RAB5IF: variants seen among roughly 807,000 people sequenced by gnomAD.
RAB5IF encodes the protein RAB5 interacting factor.
In RAB5IF, 15 loss-of-function variants were observed where a neutral mutation model predicts 20.3. That is an observed-to-expected ratio of 0.74 (90% CI 0.50 to 1.14). RAB5IF has a LOEUF of 1.14. RAB5IF is among the 50% of genes most tolerant of loss of function. The pLI is 0.00. For synonymous variants in RAB5IF, 67 were observed against 63.7 expected, an observed-to-expected ratio of 1.05 and a Z score of -0.25; for missense variants, 148 against 159.5, an observed-to-expected ratio of 0.93 and a Z score of 0.39.
At position 36,612,331 on chromosome 20, in the gene RAB5IF, G is replaced by A. The variant is rs1250846226; in HGVS notation, c.*280G>A. ...TAACAGCTATTATTTGCCAAGTGGA[G>A]CTGTCATTTAATTTGATGCACCTCT... On this transcript the variant is annotated 3_prime_UTR_variant, in exon 4 of 4. Transcript: ENST00000344795. 2.9e-6 allele frequency: 3 copies of A among 1,033,484 alleles called. No individual in the cohort carries two copies. The Admixed American group carries it at 5.8e-5, about 20-fold the overall frequency. 64.0% of individuals were successfully genotyped at this position (1,033,484 alleles called of 1,614,324 possible).
rs1333955697 is a variant in RAB5IF, at chr20:36,612,507, C to T, written c.*456C>T. ...ACATGCAGCATCTAATAAGAGTTTC[C>T]ATTGTAGAATGTTTTCACATACTTG... On this transcript the variant is annotated 3_prime_UTR_variant, in exon 4 of 4. Coordinates refer to ENST00000344795, the MANE Select transcript of RAB5IF (RefSeq NM_018840.5). 1.3e-5 allele frequency: 6 copies of T among 451,292 alleles called. No individual in the cohort carries two copies. The highest frequency in any genetic ancestry group is 1.2e-4 in the East Asian group (3 of 24,340). The allele number at this position is 451,292 out of a possible 1,614,324, so 28.0% of individuals were successfully genotyped here. A position where few individuals can be genotyped will look rare whatever the true frequency, so the allele number is the denominator to read the frequency against.
Position 36,609,585 on chromosome 20 carries a change from TTC to T in RAB5IF, c.219-12_219-11del, listed in dbSNP as rs771444738. 1 of 1,566,622 alleles carries T rather than the reference TTC, an allele frequency of 6.4e-7. No individual in the cohort carries two copies. Among genetic ancestry groups the T allele is most frequent in the Non-Finnish European group, 8.6e-7 (1 of 1,157,898 alleles). ...GCTTTCAATTTATGTTTGGTACTTG[TTC>T]TCTGTTGCTCCAGATTCTGCCTGAT... On this transcript the variant is annotated splice_polypyrimidine_tract_variant and intron_variant, in intron 2 of 3. Transcript: ENST00000344795.
At chr20:36,607,917 G>A (rs1181149593) in intron 2 of RAB5IF, 99 bp downstream of exon 2, 1 of 1,555,908 alleles carries the variant, frequency 6.4e-7, no homozygotes. Context: ...CTGGAGCTGT[G>A]TGTGTGTGTG....
chr20:36,611,928 A>C, intron 3 of RAB5IF, 82 bp from the exon 4 acceptor site: 2 of 1,586,672 alleles, frequency 1.3e-6, no homozygotes, highest in African/African-American at 1.3e-5. Flanking sequence ...CCGTGTTTAC[A>C]TTCTCATCTG....
chr20:36,609,221 A>ACACACACACACC (rs2039035485), intron 2 of RAB5IF, among the ~76,000 whole-genome samples: 1 of 115,226 alleles, frequency 8.7e-6, no homozygotes, highest in East Asian at 2.4e-4. Flanking sequence ...GCACACACGC[A>ACACACACACACC]CACACACACA....
At chr20:36,609,202 C>CACACACACACACACACACACACACACACA (rs2039029481) in intron 2 of RAB5IF, among the ~76,000 whole-genome samples, 1 of 50,848 alleles carries the variant, frequency 2.0e-5, no homozygotes, top group Non-Finnish European at 3.7e-5. Context: ...CACGCACACA[C>CACACACACACACACACACACACACACACA]GCACACACGC....
At position 36,609,650 on chromosome 20, in the gene RAB5IF, C is replaced by T. The variant is rs763940194; in HGVS notation, c.268C>T (p.Leu90=). The part of the protein sequence containing the change: ...GVLYLYFSNY[L]QIDEEEYGGT... Reference sequence around the variant, plus strand: ...CCTGTACCTCTACTTCAGCAATTACCTACAGATTGATGAGGAAGAATATGG... The same window carrying T: ...CCTGTACCTCTACTTCAGCAATTACTTACAGATTGATGAGGAAGAATATGG... Residue 90 remains leucine (L), a synonymous_variant, in exon 3 of 4, where the codon CTA becomes TTA. Coordinates refer to ENST00000344795, the MANE Select transcript of RAB5IF (RefSeq NM_018840.5). 6.8e-6 allele frequency: 11 copies of T among 1,613,384 alleles called. No individual in the cohort carries two copies. In the Admixed American group the frequency reaches 1.2e-4, roughly 17 times the overall value.
At chr20:36,610,554 G>A (rs2039083342) in intron 3 of RAB5IF, among the ~76,000 whole-genome samples, 1 of 151,962 alleles carries the variant, frequency 6.6e-6, no homozygotes, top group African/African-American at 2.4e-5. Context: ...AATTAGCTGG[G>A]CATGGTGGCG....
At position 36,612,123 on chromosome 20, in the gene RAB5IF, G is replaced by T. The variant is rs566354083; in HGVS notation, c.*72G>T. 6.2e-7 allele frequency: 1 copy of T among 1,614,170 alleles called. No individual in the cohort carries two copies. The highest frequency in any genetic ancestry group is 8.5e-7 in the Non-Finnish European group (1 of 1,180,046). On this transcript the variant is annotated 3_prime_UTR_variant, in exon 4 of 4. Transcript: ENST00000344795. ...TTGATTACAGCACAGGAACTTGATC[G>T]TTGGGGAACCCCAGCCCCTTGGAAC...
In RAB5IF at chr20:36,612,313, T is replaced by C. The variant is rs1244812266; in HGVS notation, c.*262T>C. 3 of 1,231,428 alleles carry C rather than the reference T, an allele frequency of 2.4e-6. No homozygotes were observed. In the East Asian group the frequency reaches 7.0e-5, roughly 29 times the overall value. The allele number at this position is 1,231,428 out of a possible 1,614,324, so 76.3% of individuals were successfully genotyped here. A position where few individuals can be genotyped will look rare whatever the true frequency, so the allele number is the denominator to read the frequency against. On this transcript the variant is annotated 3_prime_UTR_variant, in exon 4 of 4. Transcript: ENST00000344795. ...TTCTTGGATACCATCAAGTAACAGC[T>C]ATTATTTGCCAAGTGGAGCTGTCAT...
intron 3 of RAB5IF, among the ~76,000 whole-genome samples, chr20:36,610,216 G>A (rs544297353): frequency 7.3e-5 from 11 of 151,320 alleles, no homozygotes; most frequent in South Asian, 6.3e-4. Flanking sequence ...CCCGGGAGGC[G>A]GAGGTTGCAG....
chr20:36,612,033 T>A lies in RAB5IF; in HGVS notation c.372T>A (p.Thr124=), dbSNP rs2039137060. The A allele has an allele frequency of 6.2e-7, 1 of 1,614,224 alleles. No homozygotes were observed. Among genetic ancestry groups the A allele is most frequent in the Non-Finnish European group, 8.5e-7 (1 of 1,180,040 alleles). Residue 124 remains threonine, a synonymous_variant, in exon 4 of 4, where the codon ACT becomes ACA. Transcript: ENST00000344795. ...AGGTCATTTGGATCATCTTTTACACTGCCATCCATTATGACTGATGGTGTA... is the reference window on the plus strand; with the variant it reads ...AGGTCATTTGGATCATCTTTTACACAGCCATCCATTATGACTGATGGTGTA... ...LFMVIWIIFY[T]AIHYD
rs1178015887 is a variant in RAB5IF at position 36,606,064 on chromosome 20, A to T, written c.113A>T (p.Lys38Met). The T allele has an allele frequency of 4.0e-6, 6 of 1,491,864 alleles. No individual in the cohort carries two copies. The Admixed American group carries it at 1.3e-4, about 32-fold the overall frequency. 92.4% of individuals were successfully genotyped at this position (1,491,864 alleles called of 1,614,324 possible). A position where few individuals can be genotyped will look rare whatever the true frequency, so the allele number is the denominator to read the frequency against. ...CGGAGCGACGCGGCCTGGGAGGATAAGGTACGGTGGAGTCTGAACAGGGCG... is the reference window on the plus strand; with the variant it reads ...CGGAGCGACGCGGCCTGGGAGGATATGGTACGGTGGAGTCTGAACAGGGCG... ...VLRSDAAWED[K>M]DEFLDVIYWF... The change falls in exon 1 of 4, where the codon AAG (lysine) becomes ATG (methionine). Residue 38 changes from lysine (K) to methionine (M), a missense_variant and splice_region_variant. Coordinates refer to ENST00000344795, the MANE Select transcript of RAB5IF (RefSeq NM_018840.5).
chr20:36,607,962 C>G, intron 2 of RAB5IF, 144 bp downstream of exon 2: 1 of 1,506,222 alleles, frequency 6.6e-7, no homozygotes, highest in Non-Finnish European at 8.9e-7. Flanking sequence ...TACAGTGGCA[C>G]TCCTGGGTCT....
chr20:36,609,156 T>TACATACATATACACACACACACACAC, intron 2 of RAB5IF, among the ~76,000 whole-genome samples: 2 of 17,064 alleles, frequency 1.2e-4, no homozygotes, highest in African/African-American at 4.9e-4. Context: ...AGAACTATAT[T>TACATACATATACACACACACACACAC]ACACACACAC....
chr20:36,608,273 C>T (rs1013081826), intron 2 of RAB5IF: 7 of 253,436 alleles, frequency 2.8e-5, no homozygotes, highest in Non-Finnish European at 4.8e-5. Context: ...GAGATAGGGC[C>T]GCACTTTGTT....
At position 36,608,070 on chromosome 20, in the gene RAB5IF, C is replaced by T. The variant is rs1389778456; in HGVS notation, c.218+252C>T. The T allele has an allele frequency of 9.0e-6, 8 of 889,242 alleles. No homozygotes were observed. In the Admixed American group the frequency reaches 2.0e-4, roughly 22 times the overall value. The allele number at this position is 889,242 out of a possible 1,614,324, so 55.1% of individuals were successfully genotyped here. On this transcript the variant is annotated intron_variant, in intron 2 of 3. Coordinates refer to ENST00000344795, the MANE Select transcript of RAB5IF (RefSeq NM_018840.5). The stretch of plus-strand genomic sequence containing the variant: ...CATTCATTCATGGGTCTAAAGTGAC[C>T]TCATGCAAGAGGCTATGACTACTTG...
chr20:36,607,607 G>A (rs1331845564), intron 1 of RAB5IF, 108 bp from the exon 2 acceptor site: 5 of 1,342,714 alleles, frequency 3.7e-6, no homozygotes, highest in East Asian at 2.5e-5. Context: ...CCTTTGGGGG[G>A]AAACAAATTT....
intron 2 of RAB5IF, among the ~76,000 whole-genome samples, chr20:36,609,256 C>CCCACACACACACACACACTATA (rs1555790839): frequency 8.2e-6 from 1 of 121,580 alleles, no homozygotes; most frequent in Non-Finnish European, 1.7e-5. Context: ...CACACACACA[C>CCCACACACACACACACACTATA]TATATATAGA....
Sources: allele counts gnomAD v4.1 joint callset (sites outside exome capture counted in the v4.1 genomes callset), GRCh38; gene constraint gnomAD v4.1.1; transcripts MANE v1.5; gene names NCBI Gene and HGNC (gene_info 2026-07-23, HGNC 2026-07-21).